The following SEC62 variants were observed in gnomAD, a reference collection of about 807,000 sequenced individuals.
The protein encoded by SEC62 is translocation protein SEC62.
Under a neutral mutation model 47.5 loss-of-function variants are expected in SEC62, and 10 were observed. The observed-to-expected ratio is 0.21, with a 90% CI of 0.13 to 0.36. SEC62 has a LOEUF of 0.36. SEC62 is among the 10% of genes least tolerant of loss of function. The pLI, the probability that SEC62 is intolerant of heterozygous loss-of-function variation, is 1.00. For synonymous variants in SEC62, 136 were observed against 150.5 expected, an observed-to-expected ratio of 0.90 and a Z score of 0.71; for missense variants, 327 against 464.1, an observed-to-expected ratio of 0.70 and a Z score of 2.71.
rs1394460722 is a variant in SEC62 at position 169,998,279 on chromosome 3, T to C, written c.*5216T>C. The C allele has an allele frequency of 6.6e-6, 1 of 152,232 alleles. No homozygotes were observed. Among genetic ancestry groups the C allele is most frequent in the Non-Finnish European group, 1.5e-5 (1 of 68,032 alleles). The allele number at this position is 152,232 out of a possible 1,614,324, so 9.4% of individuals were successfully genotyped here. On this transcript the variant is annotated 3_prime_UTR_variant, in exon 8 of 8. Coordinates refer to ENST00000337002, the MANE Select transcript of SEC62 (RefSeq NM_003262.4). ...CAATTTTAATATTATTCACATTTCA[T>C]GTCACAAATTTAGTAAGTTACATGT...
chr3:169,975,561 A>G (rs573814113), intron 1 of SEC62, 47 bp from the exon 2 acceptor site: 2 of 1,199,098 alleles, frequency 1.7e-6, no homozygotes, highest in South Asian at 2.5e-5. Context: ...CAGCGCATGA[A>G]TTTCTCAAGT....
At chr3:169,981,768 TAAG>T (rs888420222) in intron 3 of SEC62, among the ~76,000 whole-genome samples, 73 of 152,294 alleles carry the variant, frequency 4.8e-4, no homozygotes, top group African/African-American at 1.7e-3. Context: ...CTCTCTCTCT[TAAG>T]AAGTTTACCG....
chr3:169,977,390 A>G (rs1714861793), intron 3 of SEC62, among the ~76,000 whole-genome samples: 1 of 152,116 alleles, frequency 6.6e-6, no homozygotes, highest in African/African-American at 2.4e-5. Flanking sequence ...AAACTTTTGC[A>G]GGAATTCCTA....
chr3:169,977,322 A>G (rs1433570459), intron 3 of SEC62, among the ~76,000 whole-genome samples: 1 of 152,218 alleles, frequency 6.6e-6, no homozygotes. Flanking sequence ...CAGTGCCTAC[A>G]GTAGAAAAGA....
chr3:169,989,863 T>C (rs1009244556), intron 7 of SEC62, among the ~76,000 whole-genome samples: 1 of 151,274 alleles, frequency 6.6e-6, no homozygotes, highest in Non-Finnish European at 1.5e-5. Context: ...TCTTAGAAAA[T>C]GCAATTCCAA....
At chr3:169,971,688 A>G (rs1714702164) in intron 1 of SEC62, among the ~76,000 whole-genome samples, 1 of 152,190 alleles carries the variant, frequency 6.6e-6, no homozygotes, top group African/African-American at 2.4e-5. Flanking sequence ...AATTTTGTGC[A>G]TACATATCAG....
rs560206075 is a variant in SEC62 at position 169,993,247 on chromosome 3, A to G, written c.*184A>G. ...AGAATATTGGCACTATTATTGGTAC[A>G]GTTTAAAGCCATTAATATGTTTTAT... is the stretch of plus-strand genomic sequence containing the variant. On this transcript the variant is annotated 3_prime_UTR_variant, in exon 8 of 8. Transcript: ENST00000337002. 11 of 550,470 alleles carry G rather than the reference A, an allele frequency of 2.0e-5. No individual in the cohort carries two copies. Among genetic ancestry groups the G allele is most frequent in the Non-Finnish European group, 2.9e-5 (9 of 314,254 alleles). The allele number at this position is 550,470 out of a possible 1,614,324, so 34.1% of individuals were successfully genotyped here.
intron 7 of SEC62, among the ~76,000 whole-genome samples, chr3:169,991,411 G>C (rs1715245208): frequency 6.6e-6 from 1 of 152,064 alleles, no homozygotes; most frequent in South Asian, 2.1e-4. Context: ...TAGATAGGTA[G>C]AGAGAGAGGG....
Position 169,985,818 on chromosome 3 carries a change from T to A in SEC62, c.563T>A (p.Ile188Asn), listed in dbSNP as rs1715092418. 1 of 1,612,298 alleles carries A rather than the reference T, an allele frequency of 6.2e-7. No individual in the cohort carries two copies. The highest frequency in any genetic ancestry group is 1.7e-5 in the Admixed American group (1 of 59,900). Residue 188 changes from isoleucine to asparagine, a missense_variant, in exon 6 of 8, where the codon ATC (isoleucine) becomes AAC (asparagine). This residue lies in a region of SEC62 where 99 missense variants were observed against 194.0 expected (regional missense o/e 0.51). Transcript: ENST00000337002. ...FLDGNEVYVW[I>N]YDPVHFKTFV... Reference sequence around the variant, plus strand: ...TGATTCTTCTAGGTGTATGTATGGATCTATGACCCAGTTCACTTTAAAACA... The same window carrying A: ...TGATTCTTCTAGGTGTATGTATGGAACTATGACCCAGTTCACTTTAAAACA...
chr3:169,992,487 A>G lies in SEC62; in HGVS notation c.731-107A>G, dbSNP rs1012349654. 1.9e-5 allele frequency: 14 copies of G among 738,710 alleles called. No individual in the cohort carries two copies. In the South Asian group the frequency reaches 2.3e-4, roughly 12 times the overall value. 45.8% of individuals were successfully genotyped at this position (738,710 alleles called of 1,614,324 possible). On this transcript the variant is annotated intron_variant, in intron 7 of 7. Transcript: ENST00000337002. The surrounding 1 kb of genome is among the most constrained non-coding windows in gnomAD (Gnocchi z 4.0). The stretch of plus-strand genomic sequence containing the variant: ...ATTTAAATATTAATATTTAAGGTGT[A>G]TGAAATGTGCAGATAATAAAACTGT...
At chr3:169,974,460 A>C (rs960004373) in intron 1 of SEC62, among the ~76,000 whole-genome samples, 1 of 152,196 alleles carries the variant, frequency 6.6e-6, no homozygotes, top group Non-Finnish European at 1.5e-5. Flanking sequence ...CACAGGAGGA[A>C]TTGTCAAAGA....
chr3:169,983,110 T>C (rs181709037), intron 4 of SEC62, 51 bp from the exon 5 acceptor site: 35 of 1,502,744 alleles, frequency 2.3e-5, no homozygotes, highest in Admixed American at 3.8e-5. Context: ...ATGAACATCA[T>C]ATTTCTTGCT....
Position 169,992,638 on chromosome 3 carries a change from A to C in SEC62, c.775A>C (p.Arg259=), listed in dbSNP as rs1367888002. The part of the protein sequence containing the change: ...FLIIWLITGG[R]HHFWFLPNLT... ...CATCATTTGGCTCATAACTGGAGGAAGGCACCACTTTTGGTTCTTGCCAAA... is the reference window on the plus strand; with the variant it reads ...CATCATTTGGCTCATAACTGGAGGACGGCACCACTTTTGGTTCTTGCCAAA... The change falls in exon 8 of 8, where the codon AGG becomes CGG. Residue 259 remains arginine (R), a synonymous_variant. Transcript: ENST00000337002. The surrounding 1 kb of genome is among the most constrained non-coding windows in gnomAD (Gnocchi z 4.0). 6.2e-7 allele frequency: 1 copy of C among 1,614,076 alleles called. No individual in the cohort carries two copies. Among genetic ancestry groups the C allele is most frequent in the Admixed American group, 1.7e-5 (1 of 59,988 alleles).
At position 169,985,843 on chromosome 3, in the gene SEC62, A is replaced by T. The variant is rs1438802871; in HGVS notation, c.588A>T (p.Thr196=). Residue 196 remains threonine, a synonymous_variant, in exon 6 of 8, where the codon ACA becomes ACT. Transcript: ENST00000337002. ...VWIYDPVHFK[T]FVMGLILVIA... ...TCTATGACCCAGTTCACTTTAAAAC[A>T]TTTGTCATGGGATTAATTCTTGGTA... 2.5e-6 allele frequency: 4 copies of T among 1,612,210 alleles called. No individual in the cohort carries two copies. The African/African-American group carries it at 5.3e-5, about 22-fold the overall frequency.
At chr3:169,968,338 CCTTTTGAATA>C (rs1714608061) in intron 1 of SEC62, 1 of 152,052 alleles carries the variant, frequency 6.6e-6, no homozygotes. Context: ...ATATAATTCA[CCTTTTGAATA>C]GCTGCTCTTA....
At chr3:169,985,956 A>G (rs1715095972) in intron 6 of SEC62, 91 bp downstream of exon 6, 1 of 807,544 alleles carries the variant, frequency 1.2e-6, no homozygotes, top group Non-Finnish European at 2.0e-6. Flanking sequence ...TCCTAAATTT[A>G]ACATAAAATA....
chr3:169,978,298 T>A (rs561211258), intron 3 of SEC62, among the ~76,000 whole-genome samples: 2 of 152,058 alleles, frequency 1.3e-5, no homozygotes, highest in East Asian at 3.9e-4. Flanking sequence ...GAGCTAACAC[T>A]CATGCAGTTG....
chr3:169,990,002 TATATCATAATATTATATATC>T (rs1182217938), intron 7 of SEC62, among the ~76,000 whole-genome samples: 2 of 99,810 alleles, frequency 2.0e-5, no homozygotes, highest in African/African-American at 3.3e-5. Context: ...AGATATATGA[TATATCATAATATTATATATC>T]ATATATATCA....
chr3:169,993,336 C>G lies in SEC62; in HGVS notation c.*273C>G, dbSNP rs1272906712. On this transcript the variant is annotated 3_prime_UTR_variant, in exon 8 of 8. Transcript: ENST00000337002. Reference sequence around the variant, plus strand: ...TTGACAGTTATCAAAGATGTACTTTCCACAGTTAAATTTACATTAATGGCA... The same window carrying G: ...TTGACAGTTATCAAAGATGTACTTTGCACAGTTAAATTTACATTAATGGCA... The G allele has an allele frequency of 6.8e-6, 2 of 294,588 alleles. No homozygotes were observed. Among genetic ancestry groups the G allele is most frequent in the Non-Finnish European group, 1.3e-5 (2 of 158,896 alleles). 18.2% of individuals were successfully genotyped at this position (294,588 alleles called of 1,614,324 possible). A position where few individuals can be genotyped will look rare whatever the true frequency, so the allele number is the denominator to read the frequency against.
Sources: gnomAD v4.1 joint callset for allele counts (sites outside exome capture counted in the v4.1 genomes callset) on GRCh38, gnomAD v4.1.1 for gene constraint, gnomAD v4.1.1 regional missense constraint, Gnocchi (gnomAD v3.1) non-coding constraint, MANE v1.5 for transcripts, NCBI Gene and HGNC (gene_info 2026-07-23, HGNC 2026-07-21) for gene names.